Variants in MAST4 observed in about 807,000 individuals in gnomAD.
MAST4 encodes the protein microtubule-associated serine/threonine-protein kinase 4.
In MAST4, 89 loss-of-function variants were observed where a neutral mutation model predicts 162.7. The observed-to-expected ratio is 0.55, with a 90% CI of 0.46 to 0.65. The LOEUF (loss-of-function observed/expected upper bound fraction) is 0.65. MAST4 is among the 30% of genes least tolerant of loss of function. The pLI, the probability that MAST4 is intolerant of heterozygous loss-of-function variation, is 0.00. For synonymous variants in MAST4, 1,479 were observed against 1,361.1 expected (o/e 1.09, Z -1.91); for missense variants, 3,153 against 3,374.0 (o/e 0.93, Z 1.62).
chr5:66,786,813 T>G (rs1409201714), intron 2 of MAST4, among the ~76,000 whole-genome samples: 1 of 152,236 alleles, frequency 6.6e-6, no homozygotes, highest in Non-Finnish European at 1.5e-5. Context: ...GAGATGGTGA[T>G]CAGAACCACA....
intron 3 of MAST4, among the ~76,000 whole-genome samples, chr5:66,877,477 G>A (rs762708178): frequency 2.6e-5 from 4 of 152,180 alleles, no homozygotes; most frequent in Non-Finnish European, 5.9e-5. Context: ...TAAAAGTGAA[G>A]CCAGGATTCA....
intron 4 of MAST4, among the ~76,000 whole-genome samples, chr5:66,928,712 T>A: frequency 6.6e-6 from 1 of 152,132 alleles, no homozygotes; most frequent in East Asian, 1.9e-4. Context: ...TTGTGGAGAT[T>A]AGCTGGGGAA....
chr5:66,945,443 A>G (rs1743906788), intron 4 of MAST4, among the ~76,000 whole-genome samples: 1 of 152,164 alleles, frequency 6.6e-6, no homozygotes, highest in Non-Finnish European at 1.5e-5. Context: ...AACTTTACAC[A>G]TACTATCAGG....
At chr5:66,807,365 G>A (rs547862879) in intron 3 of MAST4, among the ~76,000 whole-genome samples, 150 of 152,130 alleles carry the variant, frequency 9.9e-4, no homozygotes, top group African/African-American at 3.3e-3. Context: ...GCGCGGTGGC[G>A]GGCGCCTTTA....
At chr5:67,098,583 A>G (rs1270704847) in intron 7 of MAST4, among the ~76,000 whole-genome samples, 1 of 152,196 alleles carries the variant, frequency 6.6e-6, no homozygotes. Flanking sequence ...GTATGTGCAT[A>G]TGAATACTAT....
Position 67,163,112 on chromosome 5 carries a change from A to G in MAST4, c.3968-35A>G, listed in dbSNP as rs199961687. The G allele has an allele frequency of 1.1e-4, 174 of 1,569,828 alleles. No individual in the cohort carries two copies. In the African/African-American group the frequency reaches 2.0e-3, roughly 18 times the overall value. ...CTGTGAAAAAAAGGGGAAAATGACC[A>G]TGGATGCTCACAGCCTTCTGTTTTC... On this transcript the variant is annotated intron_variant, in intron 28 of 28. Transcript: ENST00000403625. The surrounding 1 kb of genome is among the most constrained non-coding windows in gnomAD (Gnocchi z 7.0).
rs552199031 is a variant in MAST4, at chr5:66,762,225, A to AT, written c.517+2370dup. On this transcript the variant is annotated intron_variant, in intron 2 of 28. Transcript: ENST00000403625. ...TGGTAACTAAGTCTTTGGTCAGATA[A>AT]TTTTTTTAAATGTTTAATAGTCCTT... Among the ~76,000 whole-genome samples the AT allele has an allele frequency of 5.3e-5, 8 of 152,038 alleles. No homozygotes were observed. In the South Asian group the frequency reaches 1.0e-3, roughly 20 times the overall value.
intron 1 of MAST4, among the ~76,000 whole-genome samples, chr5:66,674,538 A>G (rs141681780): frequency 1.3e-5 from 2 of 152,356 alleles, no homozygotes; most frequent in African/African-American, 4.8e-5. Context: ...GATTAGAAAC[A>G]TAAGACAAGT....
chr5:66,939,372 A>G (rs57055667), intron 4 of MAST4, among the ~76,000 whole-genome samples: 11,914 of 152,202 alleles, frequency 0.078, 1,472 homozygotes, highest in African/African-American at 0.27. Flanking sequence ...AACTGTTTGC[A>G]AAGTACCATC....
Position 67,064,707 on chromosome 5 carries a change from A to C in MAST4, c.763+10215A>C, listed in dbSNP as rs530156872. ...GGTGAGACTGATATACAACCTGCCA[A>C]GTCCAAAAAGCAGCCAAACAGGGCA... On this transcript the variant is annotated intron_variant, in intron 5 of 28. Transcript: ENST00000403625. Among the ~76,000 whole-genome samples, 10 of 152,352 alleles carry C rather than the reference A, an allele frequency of 6.6e-5. No homozygotes were observed. The East Asian group carries it at 1.9e-3, about 29-fold the overall frequency.
At chr5:66,971,541 C>T (rs972812669) in intron 4 of MAST4, among the ~76,000 whole-genome samples, 4 of 152,196 alleles carry the variant, frequency 2.6e-5, no homozygotes, top group African/African-American at 7.2e-5. Flanking sequence ...ACTATCTACT[C>T]TTAAACATTT....
chr5:66,803,747 A>T (rs1215098508), intron 3 of MAST4, among the ~76,000 whole-genome samples: 1 of 152,190 alleles, frequency 6.6e-6, no homozygotes, highest in African/African-American at 2.4e-5. Context: ...TTTGCAAATA[A>T]TAATTTGCAA....
intron 1 of MAST4, among the ~76,000 whole-genome samples, chr5:66,720,922 C>G (rs1274226889): frequency 6.6e-6 from 1 of 152,122 alleles, no homozygotes; most frequent in African/African-American, 2.4e-5. Context: ...CAGAAGAGAG[C>G]GTCCAGAGAC....
intron 1 of MAST4, among the ~76,000 whole-genome samples, chr5:66,657,657 A>G (rs1013265881): frequency 1.3e-5 from 2 of 152,218 alleles, no homozygotes; most frequent in Non-Finnish European, 2.9e-5. Flanking sequence ...CGTGAGTAAT[A>G]TCAGCAAGGG....
intron 1 of MAST4, among the ~76,000 whole-genome samples, chr5:66,619,807 A>G (rs1401213872): frequency 6.6e-6 from 1 of 152,004 alleles, no homozygotes; most frequent in African/African-American, 2.4e-5. Flanking sequence ...TTTAAAAAAA[A>G]TTTATATCAA....
chr5:67,029,967 T>C (rs1755107065), intron 4 of MAST4, among the ~76,000 whole-genome samples: 2 of 152,078 alleles, frequency 1.3e-5, no homozygotes, highest in South Asian at 4.1e-4. Context: ...CATTTGAATT[T>C]CTCTAAATTA....
chr5:67,082,431 C>T (rs568235291), intron 5 of MAST4, among the ~76,000 whole-genome samples: 1 of 152,234 alleles, frequency 6.6e-6, no homozygotes, highest in Admixed American at 6.5e-5. Flanking sequence ...CCGTGGCCAG[C>T]CTACCTGCAG....
At chr5:66,981,458 A>G (rs1232276129) in intron 4 of MAST4, among the ~76,000 whole-genome samples, 2 of 152,344 alleles carry the variant, frequency 1.3e-5, no homozygotes, top group South Asian at 4.1e-4. Flanking sequence ...TGAAAACTGT[A>G]TAATCAATCA....
chr5:67,009,164 A>G (rs1216364249), intron 4 of MAST4, among the ~76,000 whole-genome samples: 1 of 150,322 alleles, frequency 6.7e-6, no homozygotes, highest in Non-Finnish European at 1.5e-5. Flanking sequence ...ACAATCAAGA[A>G]GTATTTACAA....
Sources: allele counts gnomAD v4.1 joint callset (sites outside exome capture counted in the v4.1 genomes callset), GRCh38; gene constraint gnomAD v4.1.1; non-coding constraint Gnocchi (gnomAD v3.1); transcripts MANE v1.5; gene names NCBI Gene and HGNC (gene_info 2026-07-23, HGNC 2026-07-21).